Variants in ADGRG7 observed in about 807,000 individuals in gnomAD.
ADGRG7 encodes G-protein coupled receptor 128.
A neutral mutation model predicts 88.6 loss-of-function variants in ADGRG7; 82 were observed. The observed-to-expected ratio is 0.93, with a 90% CI of 0.77 to 1.11. The LOEUF (loss-of-function observed/expected upper bound fraction) is 1.11. Ranked by LOEUF, ADGRG7 falls within the 50% of genes most tolerant of loss-of-function variation. ADGRG7 has a pLI of 0.00. For missense variants in ADGRG7, 945 were observed against 953.4 expected (o/e 0.99, Z 0.12); for synonymous variants, 381 against 345.2 (o/e 1.10, Z -1.15).
rs115225555 is a variant in ADGRG7, at chr3:100,679,280, C to A, written c.2136+10175C>A. Among the ~76,000 whole-genome samples, 679 of 152,288 alleles carry A rather than the reference C, an allele frequency of 4.5e-3. 7 individuals carry two copies. Among genetic ancestry groups the A allele is most frequent in the African/African-American group, 0.016 (651 of 41,550 alleles). ...CCTGTGACAAACATTGCCTGGCTAC[C>A]ACTGATGTTCACTCAAAGCCCAAAG... On this transcript the variant is annotated intron_variant, in intron 15 of 15. Coordinates refer to ENST00000273352, the MANE Select transcript of ADGRG7 (RefSeq NM_032787.3).
At position 100,655,941 on chromosome 3, in the gene ADGRG7, A is replaced by G; in HGVS notation, c.1769A>G (p.Tyr590Cys). The change falls in exon 13 of 16, where the codon TAT (tyrosine) becomes TGT (cysteine). Residue 590 changes from tyrosine to cysteine, a missense_variant. Tyr to Cys is a radical substitution (Grantham distance 194). Coordinates refer to ENST00000273352, the MANE Select transcript of ADGRG7 (RefSeq NM_032787.3). ...GTGGCTATAACAGTGGGAGTTATTT[A>G]TTCTCAGAATGGAAATAATCCACAG... ...IVVAITVGVIYSQNGNNPQWE... is the reference protein window; with the variant it reads ...IVVAITVGVICSQNGNNPQWE... The G allele has an allele frequency of 1.2e-6, 2 of 1,609,738 alleles. No individual in the cohort carries two copies. Among genetic ancestry groups the G allele is most frequent in the Non-Finnish European group, 1.7e-6 (2 of 1,176,196 alleles).
intron 10 of ADGRG7, among the ~76,000 whole-genome samples, chr3:100,648,064 G>T (rs1298965757): frequency 6.6e-6 from 1 of 152,118 alleles, no homozygotes; most frequent in Admixed American, 6.5e-5. Context: ...TCAATCAGGA[G>T]ATACAGGAGA....
intron 4 of ADGRG7, among the ~76,000 whole-genome samples, chr3:100,635,034 C>CACACACAT (rs1275924321): frequency 2.7e-5 from 4 of 150,018 alleles, no homozygotes; most frequent in Middle Eastern, 3.2e-3. Flanking sequence ...CACACATACA[C>CACACACAT]ACACACGTGC....
chr3:100,645,702 CTGTG>C (rs1453051432), intron 8 of ADGRG7, among the ~76,000 whole-genome samples: 1 of 151,820 alleles, frequency 6.6e-6, no homozygotes, highest in Non-Finnish European at 1.5e-5. Flanking sequence ...ATTCTCGTTC[CTGTG>C]TAGAAGGTAA....
chr3:100,621,900 A>G (rs1026022570), intron 1 of ADGRG7, among the ~76,000 whole-genome samples: 1 of 152,196 alleles, frequency 6.6e-6, no homozygotes, highest in South Asian at 2.1e-4. Flanking sequence ...CTGGTGACCT[A>G]AAGTTGAAGC....
rs758190635 is a variant in ADGRG7 at position 100,637,403 on chromosome 3, G to A, written c.698+1G>A. ...CTGCTAATGATGATGCCCTTACAAC[G>A]TAAGCACAAATTCAATTTGGAAAGA... On this transcript the variant is annotated splice_donor_variant, in intron 6 of 15. Coordinates refer to ENST00000273352, the MANE Select transcript of ADGRG7 (RefSeq NM_032787.3). LOFTEE classifies it high-confidence loss of function. The A allele has an allele frequency of 5.6e-6, 9 of 1,605,620 alleles. No individual in the cohort carries two copies. The highest frequency in any genetic ancestry group is 4.0e-5 in the African/African-American group (3 of 74,742).
chr3:100,641,644 T>G (rs531346778), intron 6 of ADGRG7, among the ~76,000 whole-genome samples: 1 of 152,378 alleles, frequency 6.6e-6, no homozygotes, highest in East Asian at 1.9e-4. Flanking sequence ...AACTTCCTTT[T>G]GACATAATAA....
At chr3:100,681,320 C>A (rs200852846) in intron 15 of ADGRG7, among the ~76,000 whole-genome samples, 76 of 88,926 alleles carry the variant, frequency 8.5e-4, no homozygotes, top group African/African-American at 2.6e-3. Context: ...TTTTTTTTTT[C>A]TTTTTTTTGA....
intron 14 of ADGRG7, among the ~76,000 whole-genome samples, chr3:100,663,841 A>C (rs2094948566): frequency 6.6e-6 from 1 of 152,064 alleles, no homozygotes; most frequent in Non-Finnish European, 1.5e-5. Context: ...GCCAAATAAC[A>C]GAATCCTTGC....
Position 100,646,133 on chromosome 3 carries a change from G to C in ADGRG7, c.1110+25G>C, listed in dbSNP as rs754144711. The C allele has an allele frequency of 2.2e-6, 3 of 1,369,272 alleles. No homozygotes were observed. In the African/African-American group the frequency reaches 5.0e-5, roughly 23 times the overall value. The allele number at this position is 1,369,272 out of a possible 1,614,324, so 84.8% of individuals were successfully genotyped here. A position where few individuals can be genotyped will look rare whatever the true frequency, so the allele number is the denominator to read the frequency against. On this transcript the variant is annotated intron_variant, in intron 9 of 15. Coordinates refer to ENST00000273352, the MANE Select transcript of ADGRG7 (RefSeq NM_032787.3). ...GGTGAGTTTTTCATTGCAGATGCAA[G>C]AAAAAAGTGTCCTCATGCTTTCTTT...
chr3:100,674,789 G>C (rs2094962849), intron 15 of ADGRG7, among the ~76,000 whole-genome samples: 1 of 152,142 alleles, frequency 6.6e-6, no homozygotes, highest in Non-Finnish European at 1.5e-5. Flanking sequence ...ATGTTAACCA[G>C]GATGGTATCG....
intron 11 of ADGRG7, chr3:100,654,475 A>G (rs1213031746): frequency 5.9e-6 from 1 of 169,368 alleles, no homozygotes; most frequent in African/African-American, 2.4e-5. Context: ...GCATCCCATC[A>G]GTTAAATCAA....
chr3:100,687,816 A>G (rs1416319398), intron 15 of ADGRG7, among the ~76,000 whole-genome samples: 3 of 152,178 alleles, frequency 2.0e-5, no homozygotes, highest in Non-Finnish European at 4.4e-5. Flanking sequence ...GATGTTCATC[A>G]GGGATATTGG....
At chr3:100,650,124 A>G (rs1305432443) in intron 11 of ADGRG7, among the ~76,000 whole-genome samples, 9 of 152,246 alleles carry the variant, frequency 5.9e-5, no homozygotes, top group Non-Finnish European at 1.3e-4. Flanking sequence ...AGCAATTTGT[A>G]TTTGTTAAGG....
intron 1 of ADGRG7, among the ~76,000 whole-genome samples, chr3:100,615,227 A>T (rs146421214): frequency 6.6e-6 from 1 of 152,322 alleles, no homozygotes; most frequent in East Asian, 1.9e-4. Context: ...TTGATGAATA[A>T]CTAATGTCAC....
At chr3:100,643,212 C>T in intron 6 of ADGRG7, 54 bp from the exon 7 acceptor site, 1 of 1,519,988 alleles carries the variant, frequency 6.6e-7, no homozygotes, top group Non-Finnish European at 9.0e-7. Flanking sequence ...AGAACACATA[C>T]CTTTCATTTT....
chr3:100,633,035 A>G (rs1321821504), intron 3 of ADGRG7, among the ~76,000 whole-genome samples: 1 of 152,138 alleles, frequency 6.6e-6, no homozygotes, highest in Non-Finnish European at 1.5e-5. Flanking sequence ...TATGTACCTT[A>G]TTGTTGAAAG....
intron 1 of ADGRG7, among the ~76,000 whole-genome samples, chr3:100,622,658 A>G (rs1329092212): frequency 6.6e-6 from 1 of 152,166 alleles, no homozygotes; most frequent in Non-Finnish European, 1.5e-5. Flanking sequence ...TCTAATCTAC[A>G]ATTAGATTTA....
rs73143202 is a variant in ADGRG7 at position 100,629,119 on chromosome 3, G to A, written c.116-479G>A. On this transcript the variant is annotated intron_variant, in intron 1 of 15. Coordinates refer to ENST00000273352, the MANE Select transcript of ADGRG7 (RefSeq NM_032787.3). Reference sequence around the variant, plus strand: ...TTTGCAGTTCGTATCCTGCCTACTCGGGTCACCCATTTTCATCTGGTTTTT... The same window carrying A: ...TTTGCAGTTCGTATCCTGCCTACTCAGGTCACCCATTTTCATCTGGTTTTT... Among the ~76,000 whole-genome samples the A allele has an allele frequency of 1.0e-3, 152 of 152,000 alleles. 1 individual carries two copies. The Middle Eastern group carries it at 0.017, about 17-fold the overall frequency.
Sources: gnomAD v4.1 joint callset for allele counts (sites outside exome capture counted in the v4.1 genomes callset) on GRCh38, gnomAD v4.1.1 for gene constraint, MANE v1.5 for transcripts, NCBI Gene and HGNC (gene_info 2026-07-23, HGNC 2026-07-21) for gene names.